The following LRRC8C variants were observed in gnomAD, a reference collection of about 807,000 sequenced individuals.
The protein encoded by LRRC8C is leucine rich repeat containing 8 VRAC subunit C.
In LRRC8C, 20 loss-of-function variants were observed where a neutral mutation model predicts 55.3. The observed-to-expected ratio is 0.36, with a 90% CI of 0.25 to 0.53. The LOEUF (loss-of-function observed/expected upper bound fraction) is 0.53, where lower values mean the gene tolerates loss of function less well. Among genes scored for constraint, LRRC8C ranks in the 20% least tolerant of loss-of-function variants. LRRC8C has a pLI of 0.92. For synonymous variants in LRRC8C, 376 were observed against 360.7 expected (o/e 1.04, Z -0.48); for missense variants, 659 against 951.4 (o/e 0.69, Z 4.04).
chr1:89,706,696 C>T (rs994942166), intron 2 of LRRC8C, among the ~76,000 whole-genome samples: 2 of 152,086 alleles, frequency 1.3e-5, no homozygotes, highest in African/African-American at 2.4e-5. Flanking sequence ...TTCCTAGATT[C>T]GAACAGCATT....
chr1:89,719,338 GCTCA>G lies in LRRC8C; in HGVS notation c.*4359_*4362del, dbSNP rs1469392831. 1.3e-5 allele frequency: 2 copies of G among 151,930 alleles called. No homozygotes were observed. The highest frequency in any genetic ancestry group is 4.8e-5 in the African/African-American group (2 of 41,326). The allele number at this position is 151,930 out of a possible 1,614,324, so 9.4% of individuals were successfully genotyped here. On this transcript the variant is annotated 3_prime_UTR_variant, in exon 3 of 3. Transcript: ENST00000370454. The stretch of plus-strand genomic sequence containing the variant: ...GGAGCTCAAACTCCATGACTTACGT[GCTCA>G]CTAAGTTTTCTTTTTTCCCCTTGTT...
intron 1 of LRRC8C, among the ~76,000 whole-genome samples, chr1:89,663,555 G>A (rs146938725): frequency 0.021 from 3,165 of 149,326 alleles, 109 homozygotes; most frequent in African/African-American, 0.074. Context: ...GGGCGACAGA[G>A]CGAGACTCTG....
intron 2 of LRRC8C, among the ~76,000 whole-genome samples, chr1:89,688,517 A>G (rs1287531406): frequency 1.3e-5 from 2 of 152,222 alleles, no homozygotes; most frequent in African/African-American, 4.8e-5. Flanking sequence ...TGGCCTGGGA[A>G]GGCCTCATTG....
chr1:89,676,775 A>AT (rs941758564), intron 1 of LRRC8C, among the ~76,000 whole-genome samples: 2 of 152,202 alleles, frequency 1.3e-5, no homozygotes, highest in Non-Finnish European at 2.9e-5. Flanking sequence ...AATCAACCCC[A>AT]TTTACAAAGG....
chr1:89,707,586 A>G (rs1557668525), intron 2 of LRRC8C, among the ~76,000 whole-genome samples: 1 of 151,626 alleles, frequency 6.6e-6, no homozygotes, highest in Non-Finnish European at 1.5e-5. Flanking sequence ...TGATCCCAGC[A>G]TGAAATTTGC....
intron 2 of LRRC8C, chr1:89,706,255 A>G (rs1415943751): frequency 1.1e-5 from 5 of 455,260 alleles, no homozygotes; most frequent in Non-Finnish European, 2.2e-5. Flanking sequence ...CATGTCTGGC[A>G]TGTAATAGAT....
In LRRC8C at chr1:89,690,898, C is replaced by T. The variant is rs553793000; in HGVS notation, c.138+4287C>T. Among the ~76,000 whole-genome samples the T allele has an allele frequency of 2.0e-5, 3 of 152,318 alleles. No homozygotes were observed. In the East Asian group the frequency reaches 5.8e-4, roughly 29 times the overall value. On this transcript the variant is annotated intron_variant, in intron 2 of 2. Coordinates refer to ENST00000370454, the MANE Select transcript of LRRC8C (RefSeq NM_032270.5). ...CCCTTCACACATAGGCCTTTTTCAT[C>T]TCTTCAGCCGTTAAAAAGAAATCTG...
chr1:89,685,410 C>T lies in LRRC8C; in HGVS notation c.-4-1060C>T, dbSNP rs553089833. Reference sequence around the variant, plus strand: ...GATTACAGGCGTGAGCCACCGCGCCCGGCCATTGTCTATCTAGTTCTTAAT... The same window carrying T: ...GATTACAGGCGTGAGCCACCGCGCCTGGCCATTGTCTATCTAGTTCTTAAT... On this transcript the variant is annotated intron_variant, in intron 1 of 2. Transcript: ENST00000370454. Among the ~76,000 whole-genome samples the T allele has an allele frequency of 4.7e-4, 71 of 152,226 alleles. No individual in the cohort carries two copies. In the South Asian group the frequency reaches 5.4e-3, roughly 12 times the overall value.
chr1:89,639,047 G>A (rs1656382091), intron 1 of LRRC8C, among the ~76,000 whole-genome samples: 1 of 143,318 alleles, frequency 7.0e-6, no homozygotes, highest in South Asian at 2.2e-4. Context: ...GTGCAGTGAC[G>A]CGATCTTGGC....
chr1:89,631,529 G>A (rs191063826), upstream of LRRC8C: 3 of 152,124 alleles, frequency 2.0e-5, no homozygotes, highest in Admixed American at 2.0e-4. Flanking sequence ...TAAGGTAAGA[G>A]AATTGAAGAG....
chr1:89,683,905 AATAG>A (rs1371160642), intron 1 of LRRC8C, among the ~76,000 whole-genome samples: 1 of 152,214 alleles, frequency 6.6e-6, no homozygotes, highest in Admixed American at 6.5e-5. Flanking sequence ...ATTATATCAT[AATAG>A]ATTGCAGAAG....
intron 1 of LRRC8C, among the ~76,000 whole-genome samples, chr1:89,660,532 C>T (rs1657089466): frequency 6.6e-6 from 1 of 152,168 alleles, no homozygotes; most frequent in Non-Finnish European, 1.5e-5. Flanking sequence ...GGTTTTATTT[C>T]CCCCCAGATG....
At chr1:89,708,149 A>G (rs888445512) in intron 2 of LRRC8C, among the ~76,000 whole-genome samples, 3 of 151,204 alleles carry the variant, frequency 2.0e-5, no homozygotes, top group African/African-American at 7.3e-5. Flanking sequence ...GCACCACGTA[A>G]CTCCATTCTC....
At chr1:89,642,957 G>T (rs530431225) in intron 1 of LRRC8C, among the ~76,000 whole-genome samples, 34 of 150,700 alleles carry the variant, frequency 2.3e-4, no homozygotes, top group Non-Finnish European at 4.4e-4. Flanking sequence ...GGTGGAGGTT[G>T]CAGTGAGCCG....
Position 89,714,567 on chromosome 1 carries a change from C to G in LRRC8C, c.1997C>G (p.Ser666Cys). The G allele has an allele frequency of 6.2e-7, 1 of 1,614,164 alleles. No individual in the cohort carries two copies. The highest frequency in any genetic ancestry group is 8.5e-7 in the Non-Finnish European group (1 of 1,180,022). The change falls in exon 3 of 3, where the codon TCC becomes TGC. Residue 666 changes from serine to cysteine, a missense_variant. Transcript: ENST00000370454. The surrounding 1 kb of genome is among the most constrained non-coding windows in gnomAD (Gnocchi z 4.6). Reference sequence around the variant, plus strand: ...AAACTCACCAGCCTGGAACGCCTGTCCTTTAGTCACAATAAAATAGAGGTG... The same window carrying G: ...AAACTCACCAGCCTGGAACGCCTGTGCTTTAGTCACAATAAAATAGAGGTG... ...IKKLTSLERLSFSHNKIEVLP... is the reference protein window; with the variant it reads ...IKKLTSLERLCFSHNKIEVLP...
At chr1:89,693,213 T>A (rs1369837003) in intron 2 of LRRC8C, among the ~76,000 whole-genome samples, 1 of 152,174 alleles carries the variant, frequency 6.6e-6, no homozygotes, top group Non-Finnish European at 1.5e-5. Context: ...GTGAGTTTTT[T>A]GGTTAGAGCT....
intron 1 of LRRC8C, among the ~76,000 whole-genome samples, chr1:89,643,080 T>C (rs535242817): frequency 3.2e-3 from 486 of 152,072 alleles, no homozygotes; most frequent in Non-Finnish European, 5.8e-3. Context: ...GAGGATATAT[T>C]CTATTCTTTT....
intron 1 of LRRC8C, among the ~76,000 whole-genome samples, chr1:89,642,728 A>T (rs1031601477): frequency 6.6e-6 from 1 of 152,170 alleles, no homozygotes. Flanking sequence ...CGCACCTGTA[A>T]TCCCGGCTAC....
chr1:89,628,889 T>C (rs949874185), upstream of LRRC8C, among the ~76,000 whole-genome samples: 20 of 152,208 alleles, frequency 1.3e-4, no homozygotes, highest in Admixed American at 2.0e-4. Context: ...TTCCAGTTTC[T>C]ATGGCTTGCT....
Sources: gnomAD v4.1 joint callset for allele counts (sites outside exome capture counted in the v4.1 genomes callset) on GRCh38, gnomAD v4.1.1 for gene constraint, Gnocchi (gnomAD v3.1) non-coding constraint, MANE v1.5 for transcripts, NCBI Gene and HGNC (gene_info 2026-07-23, HGNC 2026-07-21) for gene names.